The following SGIP1 variants were observed in gnomAD, a reference collection of about 807,000 sequenced individuals.
SGIP1 encodes the protein SH3-containing GRB2-like protein 3-interacting protein 1.
SGIP1 carries 38 observed loss-of-function variants against 107.5 expected under a neutral mutation model. The ratio of observed to expected loss-of-function variants is 0.35; its 90% CI spans 0.27 to 0.46. The LOEUF (loss-of-function observed/expected upper bound fraction) is 0.46, where lower values mean the gene tolerates loss of function less well. Ranked by LOEUF, SGIP1 falls within the 20% of genes least tolerant of loss-of-function variation. The probability of loss-of-function intolerance (pLI) is 1.00; values close to 1 mark genes in which losing one functional copy is unlikely to be tolerated. For synonymous variants in SGIP1, 365 were observed against 366.1 expected, an observed-to-expected ratio of 1.00 and a Z score of 0.03; for missense variants, 929 against 1,019.5, an observed-to-expected ratio of 0.91 and a Z score of 1.21.
chr1:66,541,171 G>C (rs2054841383), intron 1 of SGIP1, among the ~76,000 whole-genome samples: 1 of 152,212 alleles, frequency 6.6e-6, no homozygotes, highest in Admixed American at 6.5e-5. Flanking sequence ...GCAACTCCTA[G>C]TCTGGAACTG....
intron 4 of SGIP1, among the ~76,000 whole-genome samples, chr1:66,638,183 C>A (rs1445283813): frequency 2.0e-5 from 3 of 152,054 alleles, no homozygotes; most frequent in Admixed American, 6.6e-5. Flanking sequence ...CATATACAAA[C>A]AGACTGGTAA....
At chr1:66,657,725 A>G (rs371591866) in intron 7 of SGIP1, among the ~76,000 whole-genome samples, 3 of 152,166 alleles carry the variant, frequency 2.0e-5, no homozygotes, top group African/African-American at 7.2e-5. Flanking sequence ...GACAAAAAAA[A>G]ATCCCTGTAC....
intron 18 of SGIP1, among the ~76,000 whole-genome samples, chr1:66,709,268 C>T (rs976466369): frequency 1.4e-5 from 2 of 141,090 alleles, no homozygotes; most frequent in African/African-American, 2.6e-5. Context: ...TTCTTAAGTA[C>T]ACTTTCCTCA....
intron 2 of SGIP1, among the ~76,000 whole-genome samples, chr1:66,626,805 C>A (rs2072917819): frequency 6.6e-6 from 1 of 152,056 alleles, no homozygotes; most frequent in South Asian, 2.1e-4. Flanking sequence ...CAGAATCAAG[C>A]CCATTATACC....
chr1:66,606,983 T>C (rs1337917576), intron 1 of SGIP1, among the ~76,000 whole-genome samples: 1 of 152,234 alleles, frequency 6.6e-6, no homozygotes, highest in Non-Finnish European at 1.5e-5. Context: ...AGACTTATCA[T>C]ACCATGTTCA....
At chr1:66,656,856 G>A (rs1468035927) in intron 7 of SGIP1, among the ~76,000 whole-genome samples, 1 of 152,090 alleles carries the variant, frequency 6.6e-6, no homozygotes, top group Admixed American at 6.5e-5. Flanking sequence ...TTTTATAATA[G>A]AATCCCATTT....
intron 21 of SGIP1, 146 bp from the exon 22 acceptor site, chr1:66,739,189 A>T: frequency 1.2e-6 from 1 of 828,500 alleles, no homozygotes; most frequent in Non-Finnish European, 1.9e-6. Flanking sequence ...AGTTTACTTG[A>T]AGCACCCAGC....
intron 1 of SGIP1, 112 bp downstream of exon 1, chr1:66,534,480 G>T (rs896493816): frequency 1.4e-5 from 17 of 1,220,718 alleles, no homozygotes; most frequent in Non-Finnish European, 1.8e-5. Context: ...GGTTGCCAAT[G>T]TTTTGCAAGC....
In SGIP1 at chr1:66,682,340, G is replaced by C; in HGVS notation, c.1286G>C (p.Gly429Ala). 6.2e-7 allele frequency: 1 copy of C among 1,613,402 alleles called. No homozygotes were observed. Among genetic ancestry groups the C allele is most frequent in the Non-Finnish European group, 8.5e-7 (1 of 1,179,850 alleles). ...ACTGTGGTTTCGTCCCCCGGACCTGGCTCGGGCCCTGGTCCGGGGACCACC... is the reference window on the plus strand; with the variant it reads ...ACTGTGGTTTCGTCCCCCGGACCTGCCTCGGGCCCTGGTCCGGGGACCACC... ...YRTVVSSPGP[G>A]SGPGPGTTSG... Residue 429 changes from glycine (G) to alanine (A), a missense_variant, in exon 15 of 25, where the codon GGC (glycine) becomes GCC (alanine). Gly to Ala is a moderately conservative substitution (Grantham distance 60). Around this residue, in one of 2 missense-constraint regions of SGIP1, gnomAD observed 588 missense variants for 588.6 expected, o/e 1.00. Coordinates refer to ENST00000371037, the MANE Select transcript of SGIP1 (RefSeq NM_032291.4).
At position 66,665,296 on chromosome 1, in the gene SGIP1, A is replaced by G. The variant is rs191768046; in HGVS notation, c.472-2234A>G. On this transcript the variant is annotated intron_variant, in intron 8 of 24. Transcript: ENST00000371037. ...CTTCATCCATGTCCCTGCAAAGGAC[A>G]TGAACCCATCCTTTTTATGGCTGCA... Among the ~76,000 whole-genome samples the G allele has an allele frequency of 9.5e-4, 145 of 152,332 alleles. 1 individual carries two copies. The highest frequency in any genetic ancestry group is 3.2e-3 in the African/African-American group (134 of 41,576).
chr1:66,662,636 C>A (rs550850800), intron 8 of SGIP1, among the ~76,000 whole-genome samples: 1 of 152,226 alleles, frequency 6.6e-6, no homozygotes, highest in East Asian at 1.9e-4. Flanking sequence ...ATACCACATT[C>A]TAGATCTTCA....
Position 66,642,863 on chromosome 1 carries a change from C to A in SGIP1, c.282C>A (p.Gly94=). 6.2e-7 allele frequency: 1 copy of A among 1,610,152 alleles called. No individual in the cohort carries two copies. The highest frequency in any genetic ancestry group is 1.7e-4 in the Middle Eastern group (1 of 6,038). ...ACAGCATCAGACCCGAGGAACCCGG[C>A]TATATCCTTTCTTTATTTTTTTATT... The part of the protein sequence containing the change: ...EGYSIRPEEP[G]STKGKHFYSS... Residue 94 remains glycine (G), a splice_region_variant and synonymous_variant, in exon 6 of 25, where the codon GGC becomes GGA. Transcript: ENST00000371037.
At chr1:66,639,080 TAAG>T (rs1194021733) in intron 4 of SGIP1, among the ~76,000 whole-genome samples, 1 of 152,180 alleles carries the variant, frequency 6.6e-6, no homozygotes, top group East Asian at 1.9e-4. Flanking sequence ...AAGAAAACTT[TAAG>T]AAGAGAGTAG....
intron 11 of SGIP1, 98 bp downstream of exon 11, chr1:66,672,093 A>G: frequency 9.0e-7 from 1 of 1,112,918 alleles, no homozygotes; most frequent in Non-Finnish European, 1.3e-6. Flanking sequence ...GCTCCCATTA[A>G]CAAAGGCTCT....
At chr1:66,589,200 A>G (rs370065496) in intron 1 of SGIP1, among the ~76,000 whole-genome samples, 928 of 54,466 alleles carry the variant, frequency 0.017, 63 homozygotes, top group East Asian at 0.055. Flanking sequence ...ATATATATAT[A>G]TATATATATA....
In SGIP1 at chr1:66,747,937, A is replaced by G. The variant is rs1281874553; in HGVS notation, c.*4842A>G. 1 of 151,996 alleles carries G rather than the reference A, an allele frequency of 6.6e-6. No individual in the cohort carries two copies. The highest frequency in any genetic ancestry group is 1.5e-5 in the Non-Finnish European group (1 of 67,862). 9.4% of individuals were successfully genotyped at this position (151,996 alleles called of 1,614,324 possible). ...CATTATATTTAATAATATCAAAACA[A>G]GAGTGATCTCTAAATATAGCTTTGA... On this transcript the variant is annotated 3_prime_UTR_variant, in exon 25 of 25. Coordinates refer to ENST00000371037, the MANE Select transcript of SGIP1 (RefSeq NM_032291.4).
At chr1:66,625,300 C>T (rs1276274474) in intron 1 of SGIP1, among the ~76,000 whole-genome samples, 1 of 152,186 alleles carries the variant, frequency 6.6e-6, no homozygotes, top group Admixed American at 6.5e-5. Flanking sequence ...AAGAAAGAGA[C>T]ACAGGAGTGC....
chr1:66,642,778 A>G, intron 5 of SGIP1, 32 bp from the exon 6 acceptor site: 2 of 1,577,228 alleles, frequency 1.3e-6, no homozygotes, highest in Non-Finnish European at 1.7e-6. Context: ...TGTTAGGATA[A>G]TAATTACTTC....
At chr1:66,586,894 T>C (rs1416763975) in intron 1 of SGIP1, among the ~76,000 whole-genome samples, 1 of 152,104 alleles carries the variant, frequency 6.6e-6, no homozygotes, top group Non-Finnish European at 1.5e-5. Context: ...TTTTCTTTCA[T>C]CAAAGAATGT....
Sources: allele counts gnomAD v4.1 joint callset (sites outside exome capture counted in the v4.1 genomes callset), GRCh38; gene constraint gnomAD v4.1.1; regional missense constraint gnomAD v4.1.1; transcripts MANE v1.5; gene names NCBI Gene and HGNC (gene_info 2026-07-23, HGNC 2026-07-21).